The following ARHGAP22 variants were observed in gnomAD, a reference collection of about 807,000 sequenced individuals.
ARHGAP22 encodes the protein rho GTPase-activating protein 22.
ARHGAP22 carries 48 observed loss-of-function variants against 59.1 expected under a neutral mutation model. The observed-to-expected ratio is 0.81, with a 90% CI of 0.64 to 1.03. ARHGAP22 has a LOEUF of 1.03. Among genes scored for constraint, ARHGAP22 ranks in the 50% least tolerant of loss-of-function variants. ARHGAP22 has a pLI of 0.00. For synonymous variants in ARHGAP22, 445 were observed against 416.4 expected, an observed-to-expected ratio of 1.07 and a Z score of -0.84; for missense variants, 1,015 against 958.7, an observed-to-expected ratio of 1.06 and a Z score of -0.78.
At chr10:48,520,845 G>GT (rs1291043724) in intron 3 of ARHGAP22, among the ~76,000 whole-genome samples, 58 of 152,174 alleles carry the variant, frequency 3.8e-4, no homozygotes, top group African/African-American at 1.3e-3. Flanking sequence ...GAATGAGCAC[G>GT]TGTCAGGATC....
chr10:48,610,576 T>C (rs78287430), intron 1 of ARHGAP22, among the ~76,000 whole-genome samples: 3,608 of 152,240 alleles, frequency 0.024, 157 homozygotes, highest in African/African-American at 0.083. Flanking sequence ...GTGGGCTGAA[T>C]AGATGAATGA....
At position 48,456,687 on chromosome 10, in the gene ARHGAP22, G is replaced by A. The variant is rs190970484; in HGVS notation, c.660-1553C>T. ...GGAGCATTTCTGCCCTGGGTGAGTGGACACAGAGCCACCCCTCCTCTGCAG... is the reference window on the plus strand; with the variant it reads ...GGAGCATTTCTGCCCTGGGTGAGTGAACACAGAGCCACCCCTCCTCTGCAG... On this transcript the variant is annotated intron_variant, in intron 5 of 9. Coordinates refer to ENST00000249601, the MANE Select transcript of ARHGAP22 (RefSeq NM_021226.4). Among the ~76,000 whole-genome samples the A allele has an allele frequency of 2.7e-3, 418 of 152,112 alleles. 6 individuals carry two copies. The highest frequency in any genetic ancestry group is 1.6e-3 in the Non-Finnish European group (107 of 67,952).
intron 1 of ARHGAP22, among the ~76,000 whole-genome samples, chr10:48,617,468 C>CA (rs1230606372): frequency 6.6e-6 from 1 of 151,950 alleles, no homozygotes; most frequent in Non-Finnish European, 1.5e-5. Flanking sequence ...AAACAAGTCT[C>CA]AACAATGTGA....
At chr10:48,520,793 G>T (rs1029078798) in intron 3 of ARHGAP22, among the ~76,000 whole-genome samples, 4 of 152,068 alleles carry the variant, frequency 2.6e-5, no homozygotes, top group Non-Finnish European at 5.9e-5. Context: ...AGGGTGAGGG[G>T]CGAAGAGCTC....
chr10:48,593,865 TG>T (rs1286786044), intron 1 of ARHGAP22, among the ~76,000 whole-genome samples: 1 of 152,198 alleles, frequency 6.6e-6, no homozygotes, highest in Non-Finnish European at 1.5e-5. Flanking sequence ...CGGGTGCTCG[TG>T]TTTGTACACA....
At chr10:48,521,736 C>T (rs1176260351) in intron 3 of ARHGAP22, among the ~76,000 whole-genome samples, 1 of 152,162 alleles carries the variant, frequency 6.6e-6, no homozygotes, top group African/African-American at 2.4e-5. Flanking sequence ...CTATTACAAC[C>T]GAACAGTTTA....
At chr10:48,517,808 T>C (rs955693169) in intron 3 of ARHGAP22, among the ~76,000 whole-genome samples, 9 of 152,160 alleles carry the variant, frequency 5.9e-5, no homozygotes, top group African/African-American at 2.2e-4. Context: ...CAGAGAATCA[T>C]CAAAGTTCAA....
chr10:48,526,779 G>T (rs186687713), intron 3 of ARHGAP22, among the ~76,000 whole-genome samples: 1 of 152,322 alleles, frequency 6.6e-6, no homozygotes, highest in South Asian at 2.1e-4. Context: ...AAGGGTCAAC[G>T]TCCCCATTGA....
At chr10:48,490,469 A>C (rs2050275953) in intron 3 of ARHGAP22, among the ~76,000 whole-genome samples, 1 of 152,158 alleles carries the variant, frequency 6.6e-6, no homozygotes, top group Non-Finnish European at 1.5e-5. Context: ...CAAATGCCCC[A>C]GTTAAGAAAC....
intron 3 of ARHGAP22, among the ~76,000 whole-genome samples, chr10:48,522,709 C>T (rs1589921977): frequency 6.6e-6 from 1 of 152,218 alleles, no homozygotes; most frequent in Non-Finnish European, 1.5e-5. Flanking sequence ...ACAGGGCTCT[C>T]GGCCCCTGCT....
At chr10:48,482,123 T>C (rs1589662259) in intron 3 of ARHGAP22, among the ~76,000 whole-genome samples, 1 of 152,208 alleles carries the variant, frequency 6.6e-6, no homozygotes, top group African/African-American at 2.4e-5. Context: ...CAAAGTCCAA[T>C]TAATCATTTT....
intron 1 of ARHGAP22, among the ~76,000 whole-genome samples, chr10:48,596,677 C>G (rs1276257780): frequency 6.6e-6 from 1 of 152,202 alleles, no homozygotes; most frequent in African/African-American, 2.4e-5. Flanking sequence ...TAATGAAAAC[C>G]CACCCTCTGA....
intron 3 of ARHGAP22, among the ~76,000 whole-genome samples, chr10:48,516,013 C>A (rs1224397587): frequency 1.1e-4 from 16 of 146,944 alleles, no homozygotes; most frequent in East Asian, 2.0e-4. Context: ...GACCTTAACT[C>A]AAAAAAAAAC....
chr10:48,484,814 C>T (rs553697829), intron 3 of ARHGAP22, among the ~76,000 whole-genome samples: 1 of 152,310 alleles, frequency 6.6e-6, no homozygotes, highest in South Asian at 2.1e-4. Flanking sequence ...GATATTACCT[C>T]TCTCACCCTG....
In ARHGAP22 at chr10:48,510,212, C is replaced by T. The variant is rs74372503; in HGVS notation, c.323-30448G>A. ...CCTGAGTGAGAGACCACTGATTTAG[C>T]GCATGAGCATGCTCCCCCCATAAAA... On this transcript the variant is annotated intron_variant, in intron 3 of 9. Coordinates refer to ENST00000249601, the MANE Select transcript of ARHGAP22 (RefSeq NM_021226.4). 2.7e-3 allele frequency among the ~76,000 whole-genome samples: 410 copies of T among 152,272 alleles called. 2 individuals are homozygous for T. Among genetic ancestry groups the T allele is most frequent in the African/African-American group, 9.4e-3 (391 of 41,546 alleles).
At chr10:48,606,708 C>T (rs138366043), upstream of ARHGAP22, among the ~76,000 whole-genome samples, 33 of 152,288 alleles carry the variant, frequency 2.2e-4, no homozygotes, top group East Asian at 6.0e-3. Context: ...TGTCTTTGCA[C>T]GTGCAGTTCC....
intron 1 of ARHGAP22, among the ~76,000 whole-genome samples, chr10:48,592,765 G>T (rs72785191): frequency 0.27 from 41,770 of 152,066 alleles, 6,535 homozygotes; most frequent in Admixed American, 0.39. Context: ...ACTCCTCCCA[G>T]GGTTCCCCCA....
At chr10:48,493,351 C>A in intron 3 of ARHGAP22, 1 of 1,356,766 alleles carries the variant, frequency 7.4e-7, no homozygotes, top group Non-Finnish European at 1.0e-6. Flanking sequence ...GGCCACCAAA[C>A]ACCACTTCCC....
chr10:48,554,486 C>G (rs1178387193), intron 3 of ARHGAP22, among the ~76,000 whole-genome samples: 2 of 152,238 alleles, frequency 1.3e-5, no homozygotes, highest in Non-Finnish European at 2.9e-5. Flanking sequence ...TCAGCTGACA[C>G]TCTTGGTACC....
Sources: gnomAD v4.1 joint callset for allele counts (sites outside exome capture counted in the v4.1 genomes callset) on GRCh38, gnomAD v4.1.1 for gene constraint, MANE v1.5 for transcripts, NCBI Gene and HGNC (gene_info 2026-07-23, HGNC 2026-07-21) for gene names.